The following ABCD2 variants were observed in gnomAD, a reference collection of about 807,000 sequenced individuals.
The protein encoded by ABCD2 is ATP-binding cassette sub-family D member 2.
A neutral mutation model predicts 70.9 loss-of-function variants in ABCD2; 36 were observed. The ratio of observed to expected loss-of-function variants is 0.51; its 90% confidence interval spans 0.39 to 0.67. The LOEUF (loss-of-function observed/expected upper bound fraction) is 0.67, where lower values mean the gene tolerates loss of function less well. Among genes scored for constraint, ABCD2 ranks in the 30% least tolerant of loss-of-function variants. The pLI is 0.00. For missense variants in ABCD2, 729 were observed against 890.2 expected (o/e 0.82, Z 2.30); for synonymous variants, 304 against 306.9 (o/e 0.99, Z 0.10).
chr12:39,612,048 T>C (rs1942052104), intron 2 of ABCD2, among the ~76,000 whole-genome samples: 2 of 152,132 alleles, frequency 1.3e-5, no homozygotes, highest in African/African-American at 2.4e-5. Flanking sequence ...GAAGTACCAC[T>C]ATACACTCAT....
chr12:39,595,265 CTTA>C (rs761612660), intron 6 of ABCD2, among the ~76,000 whole-genome samples: 5 of 152,118 alleles, frequency 3.3e-5, no homozygotes, highest in African/African-American at 9.6e-5. Flanking sequence ...ATGTGATAAT[CTTA>C]TTAATCTGAA....
rs748840539 is a variant in ABCD2, at chr12:39,618,775, G to T, written c.841C>A (p.Leu281Met). The T allele has an allele frequency of 1.2e-6, 2 of 1,614,214 alleles. No individual in the cohort carries two copies. The highest frequency in any genetic ancestry group is 2.7e-5 in the African/African-American group (2 of 75,054). ...TTTCTATGTGCTTCCTCTGCCACCA[G>T]TTTGCCAAATTTGGGAGAACAGGCT... is the stretch of plus-strand genomic sequence containing the variant. ...LKACSPKFGK[L>M]VAEEAHRKGY... Residue 281 changes from leucine to methionine, a missense_variant, in exon 1 of 10, where the codon CTG becomes ATG. Leu to Met is a conservative substitution (Grantham distance 15). Transcript: ENST00000308666.
downstream of ABCD2, among the ~76,000 whole-genome samples, chr12:39,548,670 TTAATA>T (rs1941049941): frequency 6.6e-6 from 1 of 151,428 alleles, no homozygotes; most frequent in Non-Finnish European, 1.5e-5. Context: ...TTAATTAAAT[TTAATA>T]TATTTAATAT....
chr12:39,580,577 T>C (rs937624733), intron 7 of ABCD2, among the ~76,000 whole-genome samples: 6 of 152,134 alleles, frequency 3.9e-5, no homozygotes, highest in African/African-American at 1.4e-4. Context: ...TTTTATAAAA[T>C]TCTAAAATTT....
At chr12:39,563,254 G>T (rs1364760252) in intron 9 of ABCD2, among the ~76,000 whole-genome samples, 3 of 152,118 alleles carry the variant, frequency 2.0e-5, no homozygotes, top group Admixed American at 1.3e-4. Flanking sequence ...ACCAGGCATG[G>T]TGGCTCATGC....
At chr12:39,548,324 A>C (rs1360140460), downstream of ABCD2, among the ~76,000 whole-genome samples, 2 of 152,064 alleles carry the variant, frequency 1.3e-5, no homozygotes, top group African/African-American at 4.8e-5. Flanking sequence ...TGATATTTTC[A>C]ACTTACTATG....
the ABCD2 span, among the ~76,000 whole-genome samples, chr12:39,539,176 T>G: frequency 1.4e-4 from 22 of 152,118 alleles, no homozygotes; most frequent in South Asian, 4.6e-3. Context: ...AAAAACAAAT[T>G]GACAGTGCAG....
chr12:39,618,779 G>GCCA lies in ABCD2; in HGVS notation c.834_836dup (p.Gly279dup). ...TATGTGCTTCCTCTGCCACCAGTTT[G>GCCA]CCAAATTTGGGAGAACAGGCTTTTA... On this transcript the variant is annotated inframe_insertion, in exon 1 of 10. Coordinates refer to ENST00000308666, the MANE Select transcript of ABCD2 (RefSeq NM_005164.4). The GCCA allele has an allele frequency of 6.2e-7, 1 of 1,614,172 alleles. No individual in the cohort carries two copies. Among genetic ancestry groups the GCCA allele is most frequent in the Non-Finnish European group, 8.5e-7 (1 of 1,180,038 alleles).
Position 39,550,808 on chromosome 12 carries a change from A to T in ABCD2, c.*3104T>A, listed in dbSNP as rs1037448441. On this transcript the variant is annotated 3_prime_UTR_variant, in exon 10 of 10. Transcript: ENST00000308666. The stretch of plus-strand genomic sequence containing the variant: ...AATAACCTTTACCATCATTTTATGC[A>T]TATATTAGAAGTGTGTAACATTCTC... The T allele has an allele frequency of 6.6e-6, 1 of 151,704 alleles. No homozygotes were observed. Among genetic ancestry groups the T allele is most frequent in the South Asian group, 2.1e-4 (1 of 4,832 alleles). The allele number at this position is 151,704 out of a possible 1,614,324, so 9.4% of individuals were successfully genotyped here.
the ABCD2 span, among the ~76,000 whole-genome samples, chr12:39,531,947 C>T: frequency 6.6e-6 from 1 of 152,252 alleles, no homozygotes; most frequent in Non-Finnish European, 1.5e-5. Flanking sequence ...AAAGCTTTGA[C>T]TGCCACAGTG....
chr12:39,549,873 T>C (rs1473247383), downstream of ABCD2, among the ~76,000 whole-genome samples: 1 of 151,908 alleles, frequency 6.6e-6, no homozygotes, highest in Admixed American at 6.6e-5. Flanking sequence ...TTTCCTCTTT[T>C]ATTAAATTAG....
chr12:39,617,536 ACTTTTGAACTGACT>A (rs1381497153), intron 1 of ABCD2, among the ~76,000 whole-genome samples: 1 of 152,150 alleles, frequency 6.6e-6, no homozygotes, highest in Non-Finnish European at 1.5e-5. Flanking sequence ...TATAGACTCC[ACTTTTGAACTGACT>A]CAATTTGTTG....
chr12:39,605,344 C>T (rs578262220), intron 3 of ABCD2, among the ~76,000 whole-genome samples: 11 of 151,796 alleles, frequency 7.2e-5, no homozygotes, highest in Non-Finnish European at 1.3e-4. Context: ...AGAAAAGTAC[C>T]TTTTTGTCCT....
rs563526968 is a variant in ABCD2, at chr12:39,566,272, G to A, written c.2003+7444C>T. 2.6e-5 allele frequency among the ~76,000 whole-genome samples: 4 copies of A among 152,180 alleles called. No individual in the cohort carries two copies. The East Asian group carries it at 7.7e-4, about 29-fold the overall frequency. The stretch of plus-strand genomic sequence containing the variant: ...TCCGTCTGGTCCTGGAGTTTTTTTG[G>A]TTGGTAAGCTATTAATTATTGCCTC... On this transcript the variant is annotated intron_variant, in intron 9 of 9. Transcript: ENST00000308666.
chr12:39,534,476 G>T, the ABCD2 span, among the ~76,000 whole-genome samples: 9 of 152,038 alleles, frequency 5.9e-5, no homozygotes, highest in African/African-American at 2.2e-4. Flanking sequence ...GATAAAGTGA[G>T]AAAATATGTG....
chr12:39,573,279 C>T (rs1230488002), intron 9 of ABCD2, among the ~76,000 whole-genome samples: 1 of 151,964 alleles, frequency 6.6e-6, no homozygotes, highest in Non-Finnish European at 1.5e-5. Context: ...AAAATAAGCC[C>T]TCCCCCCTTC....
At chr12:39,532,356 T>C in the ABCD2 span, among the ~76,000 whole-genome samples, 1 of 152,210 alleles carries the variant, frequency 6.6e-6, no homozygotes, top group Non-Finnish European at 1.5e-5. Flanking sequence ...ACATCTGACA[T>C]TTGAAAAGCT....
chr12:39,539,193 AG>A, the ABCD2 span, among the ~76,000 whole-genome samples: 6,659 of 152,324 alleles, frequency 0.044, 196 homozygotes, highest in Non-Finnish European at 0.071. Flanking sequence ...GCAGACTAAA[AG>A]AAATGCTTAA....
intron 6 of ABCD2, among the ~76,000 whole-genome samples, chr12:39,587,436 C>T (rs1941681250): frequency 6.6e-6 from 1 of 152,180 alleles, no homozygotes; most frequent in South Asian, 2.1e-4. Context: ...CACTAGATGT[C>T]AGCAGCACCC....
Sources: allele counts gnomAD v4.1 joint callset (sites outside exome capture counted in the v4.1 genomes callset), GRCh38; gene constraint gnomAD v4.1.1; transcripts MANE v1.5; gene names NCBI Gene and HGNC (gene_info 2026-07-23, HGNC 2026-07-21).